The following CFAP95 variants were observed in gnomAD, a reference collection of about 807,000 sequenced individuals.
CFAP95 encodes the protein cilia- and flagella-associated protein 95.
At chr9:69,905,470 T>C in the CFAP95 span, among the ~76,000 whole-genome samples, 1 of 152,224 alleles carries the variant, frequency 6.6e-6, no homozygotes, top group South Asian at 2.1e-4. Context: ...CTGGGTTATG[T>C]TGAGGTAAAT....
chr9:69,872,623 A>T, the CFAP95 span, among the ~76,000 whole-genome samples: 1 of 152,108 alleles, frequency 6.6e-6, no homozygotes, highest in Non-Finnish European at 1.5e-5. Flanking sequence ...TCTGATTCAA[A>T]TTGTCCTTCA....
chr9:69,906,111 C>T, the CFAP95 span: 3 of 1,607,722 alleles, frequency 1.9e-6, no homozygotes, highest in South Asian at 3.3e-5. Flanking sequence ...TATCCCTTGA[C>T]TAGTGGGCCT....
chr9:69,871,108 C>T, the CFAP95 span, among the ~76,000 whole-genome samples: 3 of 151,928 alleles, frequency 2.0e-5, no homozygotes, highest in Admixed American at 2.0e-4. Flanking sequence ...ATCCCAGCTA[C>T]TTGGGAGGCT....
the CFAP95 span, among the ~76,000 whole-genome samples, chr9:69,840,850 C>T: frequency 3.3e-5 from 5 of 151,982 alleles, no homozygotes; most frequent in East Asian, 1.9e-4. Context: ...CATGGGCAGC[C>T]GGCAGGCACG....
chr9:69,872,122 C>T, the CFAP95 span, among the ~76,000 whole-genome samples: 3 of 152,186 alleles, frequency 2.0e-5, no homozygotes, highest in Admixed American at 1.3e-4. Context: ...CTTTAAACTC[C>T]TATCTGGTCT....
chr9:69,859,076 T>C, the CFAP95 span, among the ~76,000 whole-genome samples: 2 of 152,226 alleles, frequency 1.3e-5, no homozygotes, highest in Non-Finnish European at 2.9e-5. Context: ...AATTCTCTGC[T>C]GGACGTGGTG....
the CFAP95 span, among the ~76,000 whole-genome samples, chr9:69,837,634 C>CT: frequency 6.6e-6 from 1 of 152,090 alleles, no homozygotes; most frequent in Admixed American, 6.5e-5. Context: ...GATATTAGCC[C>CT]TTTGTCAGAT....
chr9:69,887,028 A>T, the CFAP95 span: 1 of 645,718 alleles, frequency 1.5e-6, no homozygotes, highest in South Asian at 2.2e-5. Context: ...TTGAGATATT[A>T]GCTGTTTATT....
At chr9:69,900,862 C>T in the CFAP95 span, among the ~76,000 whole-genome samples, 1 of 152,190 alleles carries the variant, frequency 6.6e-6, no homozygotes, top group East Asian at 1.9e-4. Context: ...GGCCAGGAAG[C>T]TGCTATGTAT....
the CFAP95 span, among the ~76,000 whole-genome samples, chr9:69,840,530 C>G: frequency 1.1e-4 from 16 of 152,108 alleles, no homozygotes; most frequent in African/African-American, 3.9e-4. Context: ...CTCAGGAAAC[C>G]TGAGGCACAG....
the CFAP95 span, among the ~76,000 whole-genome samples, chr9:69,848,002 C>T: frequency 2.6e-5 from 4 of 152,152 alleles, no homozygotes; most frequent in Admixed American, 6.6e-5. Flanking sequence ...TTAATAGGCT[C>T]CCACTCACAT....
chr9:69,834,508 A>G, the CFAP95 span, among the ~76,000 whole-genome samples: 1 of 152,148 alleles, frequency 6.6e-6, no homozygotes, highest in South Asian at 2.1e-4. Flanking sequence ...TTTCAAAGTC[A>G]TGTGTTTGGC....
chr9:69,901,887 G>A, the CFAP95 span, among the ~76,000 whole-genome samples: 3 of 152,114 alleles, frequency 2.0e-5, no homozygotes, highest in South Asian at 6.2e-4. Context: ...CATTCTAACT[G>A]GTGTGAGATG....
the CFAP95 span, among the ~76,000 whole-genome samples, chr9:69,840,958 C>T: frequency 6.6e-6 from 1 of 151,188 alleles, no homozygotes; most frequent in Non-Finnish European, 1.5e-5. Flanking sequence ...TCTAAGGTTG[C>T]TATAGGAAAA....
chr9:69,899,834 T>C, the CFAP95 span, among the ~76,000 whole-genome samples: 1 of 152,172 alleles, frequency 6.6e-6, no homozygotes, highest in Non-Finnish European at 1.5e-5. Context: ...CAACTCACTG[T>C]TGGGGGATTT....
chr9:69,865,544 A>T, the CFAP95 span, among the ~76,000 whole-genome samples: 2 of 152,052 alleles, frequency 1.3e-5, no homozygotes, highest in African/African-American at 4.8e-5. Flanking sequence ...TCTGTTCCCC[A>T]TTTCTACCTC....
the CFAP95 span, among the ~76,000 whole-genome samples, chr9:69,870,200 C>A: frequency 6.6e-6 from 1 of 151,970 alleles, no homozygotes; most frequent in Non-Finnish European, 1.5e-5. Context: ...TCAATAGAAC[C>A]ATTTAATGAC....
chr9:69,826,843 A>T, the CFAP95 span, among the ~76,000 whole-genome samples: 1 of 152,186 alleles, frequency 6.6e-6, no homozygotes, highest in Non-Finnish European at 1.5e-5. Context: ...AGCAGGCAGA[A>T]AGAATAAAGA....
chr9:69,895,000 GA>G, the CFAP95 span, among the ~76,000 whole-genome samples: 37,229 of 128,780 alleles, frequency 0.29, 4,833 homozygotes, highest in Non-Finnish European at 0.31. Context: ...CAAAAAAAAA[GA>G]AAAAAAAAAA....
Sources: allele counts gnomAD v4.1 joint callset (sites outside exome capture counted in the v4.1 genomes callset), GRCh38; gene constraint gnomAD v4.1.1; transcripts MANE v1.5; gene names NCBI Gene and HGNC (gene_info 2026-07-23, HGNC 2026-07-21).